Variants in ANO7 observed in about 807,000 individuals in gnomAD.
ANO7 encodes the protein anoctamin-7.
ANO7 carries 114 observed loss-of-function variants against 115.8 expected under a neutral mutation model. That is an observed-to-expected ratio of 0.98 (90% confidence interval 0.85 to 1.15). The LOEUF (loss-of-function observed/expected upper bound fraction) is 1.15, where lower values mean the gene tolerates loss of function less well. Ranked by LOEUF, ANO7 falls within the 50% of genes most tolerant of loss-of-function variation. The pLI, the probability that ANO7 is intolerant of heterozygous loss-of-function variation, is 0.00. For missense variants in ANO7, 1,302 were observed against 1,201.2 expected, an observed-to-expected ratio of 1.08 and a Z score of -1.24; for synonymous variants, 550 against 498.2, an observed-to-expected ratio of 1.10 and a Z score of -1.38.
chr2:241,212,836 C>T (rs1244859338), intron 17 of ANO7: 4 of 562,764 alleles, frequency 7.1e-6, no homozygotes, highest in Non-Finnish European at 1.3e-5. Flanking sequence ...TTCAGAACCA[C>T]ACCAAAACAC....
chr2:241,232,439 C>A, the ANO7 span, among the ~76,000 whole-genome samples: 1 of 152,292 alleles, frequency 6.6e-6, no homozygotes, highest in East Asian at 1.9e-4. Context: ...CCACGCCTGG[C>A]TAATTTTCAT....
chr2:241,212,817 T>C, intron 17 of ANO7, 191 bp downstream of exon 17: 2 of 599,528 alleles, frequency 3.3e-6, no homozygotes, highest in Non-Finnish European at 5.9e-6. Context: ...TGACCCCCGA[T>C]ATGCCCCATT....
chr2:241,237,648 T>C, the ANO7 span, among the ~76,000 whole-genome samples: 5 of 152,138 alleles, frequency 3.3e-5, no homozygotes, highest in Non-Finnish European at 7.3e-5. Flanking sequence ...GCTAGAATTA[T>C]GTAAGAGAAT....
chr2:241,210,036 C>G (rs2068684648), intron 13 of ANO7, among the ~76,000 whole-genome samples: 1 of 152,242 alleles, frequency 6.6e-6, no homozygotes, highest in Non-Finnish European at 1.5e-5. Flanking sequence ...TGGGATGGCT[C>G]TCCAACACTC....
downstream of ANO7, chr2:241,227,301 G>A (rs2069224873): frequency 6.6e-6 from 1 of 152,484 alleles, no homozygotes; most frequent in Admixed American, 6.5e-5. Flanking sequence ...TCTGGTTTCG[G>A]GTTTTATTTT....
At chr2:241,233,444 C>T in the ANO7 span, among the ~76,000 whole-genome samples, 1 of 152,172 alleles carries the variant, frequency 6.6e-6, no homozygotes, top group African/African-American at 2.4e-5. This position sits in a 1 kb window ranked among gnomAD's most constrained non-coding sequence, Gnocchi z 4.3. Context: ...AAATGTCCAC[C>T]TGACCCCAAG....
intron 4 of ANO7, chr2:241,199,035 A>C (rs1402260766): frequency 4.6e-6 from 2 of 431,304 alleles, no homozygotes; most frequent in Non-Finnish European, 8.7e-6. Context: ...GGCTCTCCCT[A>C]GCCTTAGGGG....
chr2:241,190,087 A>G lies in ANO7; in HGVS notation c.24A>G (p.Glu8=), dbSNP rs775324576. 33 of 1,582,162 alleles carry G rather than the reference A, an allele frequency of 2.1e-5. No homozygotes were observed. The highest frequency in any genetic ancestry group is 2.6e-5 in the Non-Finnish European group (30 of 1,164,568). MLRRRAQ[E]EDSTVLIDVS... ...GGATGCTGCGGCGACGGGCCCAGGA[A>G]GAGGACAGCACCGTCCTGATCGATG... The change falls in exon 2 of 25, where the codon GAA becomes GAG. Residue 8 remains glutamate (E), a synonymous_variant. Coordinates refer to ENST00000674324, the MANE Select transcript of ANO7 (RefSeq NM_001370694.2).
At position 241,204,953 on chromosome 2, in the gene ANO7, C is replaced by T; in HGVS notation, c.978C>T (p.Pro326=). The T allele has an allele frequency of 6.2e-7, 1 of 1,613,866 alleles. No homozygotes were observed. Among genetic ancestry groups the T allele is most frequent in the South Asian group, 1.1e-5 (1 of 91,078 alleles). The part of the protein sequence containing the change: ...VGCFLVFSDI[P]TQELCGSKDS... Reference sequence around the variant, plus strand: ...GCTTCCTGGTGTTCTCAGACATACCCACGTGAGTGTTCCCTCTCCGCAGCT... The same window carrying T: ...GCTTCCTGGTGTTCTCAGACATACCTACGTGAGTGTTCCCTCTCCGCAGCT... Residue 326 remains proline, a splice_region_variant and synonymous_variant, in exon 10 of 25, where the codon CCC becomes CCT. Coordinates refer to ENST00000674324, the MANE Select transcript of ANO7 (RefSeq NM_001370694.2).
chr2:241,204,880 G>A lies in ANO7; in HGVS notation c.905G>A (p.Trp302Ter). 6.2e-7 allele frequency: 1 copy of A among 1,613,858 alleles called. No homozygotes were observed. The highest frequency in any genetic ancestry group is 1.1e-5 in the South Asian group (1 of 91,068). The change falls in exon 10 of 25, where the codon TGG becomes TAG. Residue 302 changes from tryptophan (W) to a stop codon, truncating the protein, a stop_gained. Coordinates refer to ENST00000674324, the MANE Select transcript of ANO7 (RefSeq NM_001370694.2). LOFTEE classifies it high-confidence loss of function. ...CTCTCTACAGGGTTTTACACAGGCT[G>A]GCTCCTGCCAGCGGCAGTGGTGGGC... ...YFAWLGFYTG[W>*]LLPAAVVGTL...
Position 241,217,820 on chromosome 2 carries a change from G to C in ANO7, c.2107G>C (p.Glu703Gln), listed in dbSNP as rs1574794078. The C allele has an allele frequency of 3.1e-6, 5 of 1,609,820 alleles. No individual in the cohort carries two copies. The East Asian group carries it at 1.1e-4, about 36-fold the overall frequency. Residue 703 changes from glutamate to glutamine, a missense_variant, in exon 20 of 25, where the codon GAG becomes CAG. Coordinates refer to ENST00000674324, the MANE Select transcript of ANO7 (RefSeq NM_001370694.2). Reference sequence around the variant, plus strand: ...CTGCGAGTACCGGCGCCCGGTGGCCGAGCGCGCCCAGGACATCGGCATCTG... The same window carrying C: ...CTGCGAGTACCGGCGCCCGGTGGCCCAGCGCGCCCAGGACATCGGCATCTG... The part of the protein sequence containing the change: ...FVCEYRRPVA[E>Q]RAQDIGIWFH...
At chr2:241,201,248 A>G in intron 6 of ANO7, 50 bp from the exon 7 acceptor site, 2 of 1,528,466 alleles carry the variant, frequency 1.3e-6, no homozygotes, top group South Asian at 2.5e-5. Flanking sequence ...TGCACCGTTC[A>G]CATGCCCACA....
intron 11 of ANO7, among the ~76,000 whole-genome samples, chr2:241,208,519 G>A (rs2068639836): frequency 6.6e-6 from 1 of 152,174 alleles, no homozygotes; most frequent in South Asian, 2.1e-4. Flanking sequence ...CTCATCTGGA[G>A]ATCCTTACCT....
the ANO7 span, chr2:241,235,709 G>C: frequency 1.5e-6 from 1 of 678,108 alleles, no homozygotes. Flanking sequence ...CAACAGCAAT[G>C]TGCCCCACCC....
Position 241,210,265 on chromosome 2 carries a change from A to G in ANO7, c.1360-30A>G, listed in dbSNP as rs576966604. The stretch of plus-strand genomic sequence containing the variant: ...TGCTGGGGTGCCCAAGACACCGTGA[A>G]GGGTCTCACGGGCCTCCCTGCCCCC... On this transcript the variant is annotated intron_variant, in intron 13 of 24. Coordinates refer to ENST00000674324, the MANE Select transcript of ANO7 (RefSeq NM_001370694.2). 1.2e-5 allele frequency: 19 copies of G among 1,608,052 alleles called. No individual in the cohort carries two copies. The African/African-American group carries it at 2.3e-4, about 19-fold the overall frequency.
chr2:241,236,986 G>A, the ANO7 span, among the ~76,000 whole-genome samples: 48 of 150,478 alleles, frequency 3.2e-4, no homozygotes, highest in South Asian at 2.8e-3. Context: ...TTGGGGGGGG[G>A]GGGGGGGGCG....
At position 241,214,809 on chromosome 2, in the gene ANO7, C is replaced by T. The variant is rs139066448; in HGVS notation, c.1733C>T (p.Ala578Val). The change falls in exon 18 of 25, where the codon GCG becomes GTG. Residue 578 changes from alanine to valine, a missense_variant. Coordinates refer to ENST00000674324, the MANE Select transcript of ANO7 (RefSeq NM_001370694.2). Reference sequence around the variant, plus strand: ...ACCTGAGCCCTGCTGCCGTAGTGCGCGGCTGGAGGCTGCCTGATCGAGCTG... The same window carrying T: ...ACCTGAGCCCTGCTGCCGTAGTGCGTGGCTGGAGGCTGCCTGATCGAGCTG... Reference protein sequence around the residue: ...TLFGVRNEECAAGGCLIELAQ... With the variant: ...TLFGVRNEECVAGGCLIELAQ... 4.8e-4 allele frequency: 779 copies of T among 1,611,328 alleles called. 1 individual carries two copies. The African/African-American group carries it at 8.9e-3, about 18-fold the overall frequency.
At chr2:241,239,984 C>G in the ANO7 span, 1 of 1,614,226 alleles carries the variant, frequency 6.2e-7, no homozygotes. This position sits in a 1 kb window ranked among gnomAD's most constrained non-coding sequence, Gnocchi z 4.6. Flanking sequence ...AGGTCCTGGT[C>G]CTTGTCCTCA....
the ANO7 span, chr2:241,240,054 C>T: frequency 6.2e-7 from 1 of 1,614,198 alleles, no homozygotes; most frequent in Non-Finnish European, 8.5e-7. This position sits in a 1 kb window ranked among gnomAD's most constrained non-coding sequence, Gnocchi z 5.5. Context: ...TTTTGCCGCC[C>T]CCCTTGCCGA....
Sources: allele counts gnomAD v4.1 joint callset (sites outside exome capture counted in the v4.1 genomes callset), GRCh38; gene constraint gnomAD v4.1.1; non-coding constraint Gnocchi (gnomAD v3.1); transcripts MANE v1.5; gene names NCBI Gene and HGNC (gene_info 2026-07-23, HGNC 2026-07-21).